Variants in IL34 observed in about 807,000 individuals in gnomAD.
IL34 encodes the protein interleukin 34, also known as interleukin-34.
Under a neutral mutation model 25.3 loss-of-function variants are expected in IL34, and 17 were observed. The observed-to-expected ratio is 0.67, with a 90% CI of 0.46 to 1.01. IL34 has a LOEUF of 1.01. Ranked by LOEUF, IL34 falls within the 50% of genes least tolerant of loss-of-function variation. The probability of loss-of-function intolerance (pLI) is 0.00; values close to 1 mark genes in which losing one functional copy is unlikely to be tolerated. For synonymous variants in IL34, 174 were observed against 140.9 expected, an observed-to-expected ratio of 1.23 and a Z score of -1.66; for missense variants, 368 against 312.9, an observed-to-expected ratio of 1.18 and a Z score of -1.33.
In IL34 at chr16:70,646,988, G is replaced by C. The variant is rs2051950342; in HGVS notation, c.28+13G>C. ...ACCTGGCTGCGCTGTGAGTACTGGG[G>C]GGTCCCTAGGGACCTGCATTGGGAG... On this transcript the variant is annotated intron_variant, in intron 1 of 5. Transcript: ENST00000288098. 6.9e-7 allele frequency: 1 copy of C among 1,452,946 alleles called. No homozygotes were observed. Among genetic ancestry groups the C allele is most frequent in the Admixed American group, 3.6e-5 (1 of 27,890 alleles). 90.0% of individuals were successfully genotyped at this position (1,452,946 alleles called of 1,614,324 possible).
upstream of IL34, among the ~76,000 whole-genome samples, chr16:70,646,283 GCT>G (rs958014241): frequency 6.6e-6 from 1 of 152,016 alleles, no homozygotes; most frequent in African/African-American, 2.4e-5. Flanking sequence ...CTCTACCATG[GCT>G]CTCGATGTGT....
At chr16:70,588,539 A>C (rs962369290) in intron 1 of IL34, among the ~76,000 whole-genome samples, 1 of 152,176 alleles carries the variant, frequency 6.6e-6, no homozygotes, top group Non-Finnish European at 1.5e-5. Flanking sequence ...ACAATCCAGC[A>C]ATCCCACTTC....
At chr16:70,617,402 G>A (rs911463377) in intron 1 of IL34, among the ~76,000 whole-genome samples, 4 of 152,206 alleles carry the variant, frequency 2.6e-5, no homozygotes, top group Non-Finnish European at 5.9e-5. Context: ...AACCGGCAGT[G>A]TAAACAAGAG....
intron 1 of IL34, among the ~76,000 whole-genome samples, chr16:70,602,580 TTGA>T (rs1198823849): frequency 9.7e-5 from 13 of 133,854 alleles, no homozygotes; most frequent in Admixed American, 3.0e-4. Flanking sequence ...AGCTTTGGAA[TTGA>T]TGTGTGTGTG....
chr16:70,657,447 G>A (rs768004611), intron 4 of IL34: 33 of 272,568 alleles, frequency 1.2e-4, no homozygotes, highest in Non-Finnish European at 2.2e-4. Flanking sequence ...CTGGAGGTGG[G>A]GTAGGGGGAG....
chr16:70,601,781 G>C (rs2050922045), intron 1 of IL34, among the ~76,000 whole-genome samples: 1 of 152,214 alleles, frequency 6.6e-6, no homozygotes, highest in African/African-American at 2.4e-5. Flanking sequence ...GGGAATGAAA[G>C]GCTATCTTCC....
At chr16:70,614,196 A>AAAG (rs1283932548) in intron 1 of IL34, among the ~76,000 whole-genome samples, 2 of 151,660 alleles carry the variant, frequency 1.3e-5, no homozygotes, top group Non-Finnish European at 2.9e-5. Flanking sequence ...AAAAAAAAAA[A>AAAG]AAGAAGTGCA....
At chr16:70,659,823 G>C in intron 5 of IL34, 70 bp downstream of exon 5, 1 of 1,534,320 alleles carries the variant, frequency 6.5e-7, no homozygotes, top group South Asian at 1.2e-5. Flanking sequence ...AGGCCAGCTG[G>C]CAGAGCTGGC....
chr16:70,599,152 C>A (rs1015960062), intron 1 of IL34, among the ~76,000 whole-genome samples: 1 of 152,146 alleles, frequency 6.6e-6, no homozygotes, highest in Admixed American at 6.5e-5. Context: ...TCTGGAGAGC[C>A]GCACGTTGTC....
intron 1 of IL34, among the ~76,000 whole-genome samples, chr16:70,603,019 C>T (rs2050941903): frequency 6.6e-6 from 1 of 152,012 alleles, no homozygotes; most frequent in Non-Finnish European, 1.5e-5. Context: ...GAGTGGGAGC[C>T]CCGGCTGTTT....
chr16:70,660,164 C>G lies in IL34; in HGVS notation c.706C>G (p.Gln236Glu). 5 of 1,601,548 alleles carry G rather than the reference C, an allele frequency of 3.1e-6. No individual in the cohort carries two copies. The highest frequency in any genetic ancestry group is 3.4e-6 in the Non-Finnish European group (4 of 1,174,604). ...STGSVRPVRA[Q>E]GEGLLP is the part of the protein sequence containing the mutation. The stretch of plus-strand genomic sequence containing the variant: ...GGGCTCGGTGAGGCCGGTCAGGGCA[C>G]AGGGCGAGGGCCTCTTGCCCTGAGC... The change falls in exon 6 of 6, where the codon CAG becomes GAG. Residue 236 changes from glutamine (Q) to glutamate (E), a missense_variant. Coordinates refer to ENST00000288098, the MANE Select transcript of IL34 (RefSeq NM_001393494.1).
At chr16:70,590,598 G>A (rs1444519736) in intron 1 of IL34, among the ~76,000 whole-genome samples, 1 of 152,166 alleles carries the variant, frequency 6.6e-6, no homozygotes, top group East Asian at 1.9e-4. Context: ...GGAAGTAGCT[G>A]GTGCTGTTTT....
intron 1 of IL34, among the ~76,000 whole-genome samples, chr16:70,627,237 C>T (rs2051413938): frequency 6.6e-6 from 1 of 152,164 alleles, no homozygotes; most frequent in South Asian, 2.1e-4. Flanking sequence ...CATCTAATAT[C>T]TAATTACACA....
chr16:70,638,231 C>G (rs548173839), intron 1 of IL34, among the ~76,000 whole-genome samples: 1 of 152,218 alleles, frequency 6.6e-6, no homozygotes, highest in East Asian at 1.9e-4. Flanking sequence ...AACCCCAGCA[C>G]TTTGGGAGGC....
intron 4 of IL34, among the ~76,000 whole-genome samples, chr16:70,658,669 C>T (rs374604346): frequency 1.3e-5 from 2 of 151,932 alleles, no homozygotes; most frequent in East Asian, 1.9e-4. Flanking sequence ...CGGGGTTCTG[C>T]CATGTTGGTT....
chr16:70,631,571 C>T (rs985510048), intron 1 of IL34, among the ~76,000 whole-genome samples: 8 of 152,060 alleles, frequency 5.3e-5, no homozygotes, highest in Non-Finnish European at 1.2e-4. Context: ...TCCCAATGAC[C>T]TTTTAGAGTC....
chr16:70,600,907 A>AGAAATGAGGAGATGCTGGGG (rs2050905361), intron 1 of IL34, among the ~76,000 whole-genome samples: 1 of 150,192 alleles, frequency 6.7e-6, no homozygotes, highest in African/African-American at 2.5e-5. Context: ...AGATGCTGGG[A>AGAAATGAGGAGATGCTGGGG]GAAATGAGAA....
chr16:70,587,912 G>A (rs1238073251), intron 1 of IL34, among the ~76,000 whole-genome samples: 5 of 151,986 alleles, frequency 3.3e-5, no homozygotes, highest in African/African-American at 9.7e-5. Context: ...GGTGGCACAC[G>A]CCTGTAGTCC....
In IL34 at chr16:70,584,376, CA is replaced by C. The variant is rs1457156395; in HGVS notation, c.-401+4328del. Among the ~76,000 whole-genome samples, 4 of 152,232 alleles carry C rather than the reference CA, an allele frequency of 2.6e-5. No homozygotes were observed. In the East Asian group the frequency reaches 7.7e-4, roughly 29 times the overall value. ...GAAAACAGCCAGGCTTTCCCCTTGGCATCCTTTCCATACTGGGGGATGTGGA... is the reference window on the plus strand; with the variant it reads ...GAAAACAGCCAGGCTTTCCCCTTGGCTCCTTTCCATACTGGGGGATGTGGA... On this transcript the variant is annotated intron_variant, in intron 1 of 6. Transcript: ENST00000429149.
Sources: gnomAD v4.1 joint callset for allele counts (sites outside exome capture counted in the v4.1 genomes callset) on GRCh38, gnomAD v4.1.1 for gene constraint, MANE v1.5 for transcripts, NCBI Gene and HGNC (gene_info 2026-07-23, HGNC 2026-07-21) for gene names.